The following CFAP20DC variants were observed in gnomAD, a reference collection of about 807,000 sequenced individuals.
CFAP20DC encodes protein CFAP20DC.
Under a neutral mutation model 101.7 loss-of-function variants are expected in CFAP20DC, and 84 were observed. The observed-to-expected ratio is 0.83, with a 90% CI of 0.69 to 0.99. The LOEUF (loss-of-function observed/expected upper bound fraction) is 0.99. Among genes scored for constraint, CFAP20DC ranks in the 50% least tolerant of loss-of-function variants. CFAP20DC has a pLI of 0.00. For synonymous variants in CFAP20DC, 359 were observed against 351.2 expected (o/e 1.02, Z -0.25); for missense variants, 1,007 against 970.3 (o/e 1.04, Z -0.50).
In CFAP20DC at chr3:58,864,094, G is replaced by A. The variant is rs2079476775; in HGVS notation, c.1259-202C>T. On this transcript the variant is annotated intron_variant, in intron 11 of 16. Transcript: ENST00000482387. The surrounding 1 kb of genome is among the most constrained non-coding windows in gnomAD (Gnocchi z 4.7). Reference sequence around the variant, plus strand: ...CTGCCTGAGCCTCCTGAGTAGGTGGGATTACAGGTGCACGCCATCATGCCC... The same window carrying A: ...CTGCCTGAGCCTCCTGAGTAGGTGGAATTACAGGTGCACGCCATCATGCCC... Among the ~76,000 whole-genome samples the A allele has an allele frequency of 6.6e-6, 1 of 152,104 alleles. No individual in the cohort carries two copies. The highest frequency in any genetic ancestry group is 1.5e-5 in the Non-Finnish European group (1 of 68,012).
chr3:58,876,023 A>G (rs1440765161), intron 7 of CFAP20DC, among the ~76,000 whole-genome samples: 1 of 152,188 alleles, frequency 6.6e-6, no homozygotes, highest in Non-Finnish European at 1.5e-5. Context: ...TATCTACTAT[A>G]GAATTTATTT....
At chr3:58,824,288 A>G (rs545146990) in intron 14 of CFAP20DC, 2 of 152,308 alleles carry the variant, frequency 1.3e-5, no homozygotes, top group South Asian at 2.1e-4. Flanking sequence ...TGAAATGCCA[A>G]TATATTATAT....
intron 6 of CFAP20DC, among the ~76,000 whole-genome samples, chr3:58,910,662 T>C (rs925120431): frequency 7.2e-5 from 11 of 152,134 alleles, no homozygotes; most frequent in Admixed American, 6.6e-4. Context: ...TGGGAAATCT[T>C]ATATTTCTGT....
intron 11 of CFAP20DC, 52 bp downstream of exon 11, chr3:58,866,514 A>G (rs1343940541): frequency 1.4e-6 from 2 of 1,422,488 alleles, no homozygotes; most frequent in African/African-American, 1.5e-5. Flanking sequence ...AATATTTACC[A>G]TATTTACATT....
rs2091405993 is a variant in CFAP20DC at position 58,964,679 on chromosome 3, G to T, written c.279-26917C>A. Among the ~76,000 whole-genome samples, 1 of 152,156 alleles carries T rather than the reference G, an allele frequency of 6.6e-6. No individual in the cohort carries two copies. The highest frequency in any genetic ancestry group is 6.5e-5 in the Admixed American group (1 of 15,282). On this transcript the variant is annotated intron_variant, in intron 4 of 16. Transcript: ENST00000482387. This position sits in a 1 kb window ranked among gnomAD's most constrained non-coding sequence, Gnocchi z 4.1. ...TTGAACTACTTATTTACATATTTTT[G>T]GTTTTGTGTGTACATCAAATTGCAC...
chr3:58,858,055 T>C (rs1394168364), intron 12 of CFAP20DC, among the ~76,000 whole-genome samples: 1 of 152,218 alleles, frequency 6.6e-6, no homozygotes, highest in African/African-American at 2.4e-5. Flanking sequence ...GTTTATCATT[T>C]AGCTACTGAA....
At chr3:58,865,665 G>A (rs2079628797) in intron 11 of CFAP20DC, among the ~76,000 whole-genome samples, 1 of 152,210 alleles carries the variant, frequency 6.6e-6, no homozygotes. Flanking sequence ...CAAATTAGGT[G>A]CTTTACAAAT....
chr3:59,016,258 G>A lies in CFAP20DC; in HGVS notation c.278+23299C>T, dbSNP rs903540756. Among the ~76,000 whole-genome samples, 5 of 152,102 alleles carry A rather than the reference G, an allele frequency of 3.3e-5. No homozygotes were observed. The South Asian group carries it at 8.3e-4, about 25-fold the overall frequency. On this transcript the variant is annotated intron_variant, in intron 4 of 16. Coordinates refer to ENST00000482387, the MANE Select transcript of CFAP20DC (RefSeq NM_001394063.1). Reference sequence around the variant, plus strand: ...ATGAGGCTGGAGGATATTATGTTAAGTGAACTAAGTCAGACATTATGTTAA... The same window carrying A: ...ATGAGGCTGGAGGATATTATGTTAAATGAACTAAGTCAGACATTATGTTAA...
chr3:59,008,503 T>A (rs1159987096), intron 4 of CFAP20DC, among the ~76,000 whole-genome samples: 1 of 152,180 alleles, frequency 6.6e-6, no homozygotes, highest in Non-Finnish European at 1.5e-5. Flanking sequence ...ATGTGGCACA[T>A]ACACACCATG....
rs2084512247 is a variant in CFAP20DC at position 58,914,838 on chromosome 3, A to C, written c.394-974T>G. On this transcript the variant is annotated intron_variant, in intron 5 of 16. Transcript: ENST00000482387. This position sits in a 1 kb window ranked among gnomAD's most constrained non-coding sequence, Gnocchi z 4.9. ...ATTAAATACATGAAGAGTATTTTCT[A>C]TGTAGATGTCTCAACAGTAAAATTA... 6.6e-6 allele frequency: 1 copy of C among 152,228 alleles called. No individual in the cohort carries two copies. Among genetic ancestry groups the C allele is most frequent in the South Asian group, 2.1e-4 (1 of 4,824 alleles). The allele number at this position is 152,228 out of a possible 1,614,324, so 9.4% of individuals were successfully genotyped here.
At position 59,006,640 on chromosome 3, in the gene CFAP20DC, A is replaced by T. The variant is rs1374632703; in HGVS notation, c.278+32917T>A. ...ATATAAAAGTAGAAGCAGTGGCAGG[A>T]AGAGCCTCGTAGGCAGTCCCATTCT... On this transcript the variant is annotated intron_variant, in intron 4 of 16. Transcript: ENST00000482387. This position sits in a 1 kb window ranked among gnomAD's most constrained non-coding sequence, Gnocchi z 4.3. Among the ~76,000 whole-genome samples, 2 of 152,194 alleles carry T rather than the reference A, an allele frequency of 1.3e-5. No individual in the cohort carries two copies. Among genetic ancestry groups the T allele is most frequent in the Non-Finnish European group, 2.9e-5 (2 of 68,034 alleles).
At chr3:58,838,863 T>C (rs2076912841) in intron 13 of CFAP20DC, among the ~76,000 whole-genome samples, 1 of 152,170 alleles carries the variant, frequency 6.6e-6, no homozygotes, top group Non-Finnish European at 1.5e-5. Flanking sequence ...TAAAATCTAA[T>C]CGAATAGGTT....
chr3:58,973,393 C>T (rs1440309934), intron 4 of CFAP20DC, among the ~76,000 whole-genome samples: 1 of 152,198 alleles, frequency 6.6e-6, no homozygotes, highest in African/African-American at 2.4e-5. Flanking sequence ...ATTTCTCTTT[C>T]TCCTATACTA....
chr3:59,044,843 C>T (rs1056154844), intron 3 of CFAP20DC, among the ~76,000 whole-genome samples: 2 of 152,046 alleles, frequency 1.3e-5, no homozygotes, highest in African/African-American at 4.8e-5. Context: ...ACATGTCTTA[C>T]AAAACCAATA....
chr3:58,823,405 AG>A (rs1453247677), intron 14 of CFAP20DC, among the ~76,000 whole-genome samples: 1 of 152,208 alleles, frequency 6.6e-6, no homozygotes, highest in Non-Finnish European at 1.5e-5. Flanking sequence ...GTAGATGCAA[AG>A]GGATGACAAC....
chr3:58,759,480 A>C (rs1034946518), intron 15 of CFAP20DC, among the ~76,000 whole-genome samples: 2 of 152,086 alleles, frequency 1.3e-5, no homozygotes, highest in Non-Finnish European at 2.9e-5. Context: ...CCCATTTTGT[A>C]GGTTGCCTGT....
At chr3:58,791,161 C>T (rs536510121) in intron 15 of CFAP20DC, among the ~76,000 whole-genome samples, 2 of 152,108 alleles carry the variant, frequency 1.3e-5, no homozygotes, top group African/African-American at 4.8e-5. Flanking sequence ...TCTCATCAAA[C>T]CCTTTAAGAT....
At chr3:59,041,952 T>C (rs1560040990) in intron 3 of CFAP20DC, among the ~76,000 whole-genome samples, 1 of 152,122 alleles carries the variant, frequency 6.6e-6, no homozygotes, top group Non-Finnish European at 1.5e-5. Context: ...TGCTGAAGTT[T>C]TTGCAGTAAA....
chr3:58,980,420 C>T lies in CFAP20DC; in HGVS notation c.279-42658G>A, dbSNP rs866966842. 5.3e-5 allele frequency among the ~76,000 whole-genome samples: 8 copies of T among 152,074 alleles called. No individual in the cohort carries two copies. In the South Asian group the frequency reaches 1.0e-3, roughly 20 times the overall value. On this transcript the variant is annotated intron_variant, in intron 4 of 16. Coordinates refer to ENST00000482387, the MANE Select transcript of CFAP20DC (RefSeq NM_001394063.1). ...ACAACAAAAAAAGAGAATTTTAGAC[C>T]AATATCCTTGATGAACATTGATGCA...
Sources: gnomAD v4.1 joint callset for allele counts (sites outside exome capture counted in the v4.1 genomes callset) on GRCh38, gnomAD v4.1.1 for gene constraint, Gnocchi (gnomAD v3.1) non-coding constraint, MANE v1.5 for transcripts, NCBI Gene and HGNC (gene_info 2026-07-23, HGNC 2026-07-21) for gene names.